Variants in EDIL3 observed in about 807,000 individuals in gnomAD.
The protein encoded by EDIL3 is EGF like and discoidin domains 3, also known as EGF-like repeat and discoidin I-like domain-containing protein 3.
Under a neutral mutation model 67.4 loss-of-function variants are expected in EDIL3, and 37 were observed. The observed-to-expected ratio is 0.55, with a 90% CI of 0.42 to 0.72. The LOEUF (loss-of-function observed/expected upper bound fraction) is 0.72, where lower values mean the gene tolerates loss of function less well. Ranked by LOEUF, EDIL3 falls within the 30% of genes least tolerant of loss-of-function variation. The probability of loss-of-function intolerance (pLI) is 0.00; values close to 1 mark genes in which losing one functional copy is unlikely to be tolerated. For synonymous variants in EDIL3, 195 were observed against 196.3 expected (o/e 0.99, Z 0.05); for missense variants, 527 against 586.3 (o/e 0.90, Z 1.04).
At chr5:84,114,228 A>AT (rs759142065) in intron 5 of EDIL3, among the ~76,000 whole-genome samples, 48 of 141,536 alleles carry the variant, frequency 3.4e-4, no homozygotes, top group Non-Finnish European at 6.5e-4. Flanking sequence ...CAAGGCTATC[A>AT]TTTTTCTGGT....
intron 5 of EDIL3, among the ~76,000 whole-genome samples, chr5:84,132,469 AT>A (rs1748000554): frequency 4.4e-5 from 1 of 22,600 alleles, no homozygotes; most frequent in African/African-American, 1.7e-4. Context: ...TATTTTATAT[AT>A]AATATATATT....
At chr5:84,171,020 C>T (rs558900261) in intron 4 of EDIL3, among the ~76,000 whole-genome samples, 1 of 152,182 alleles carries the variant, frequency 6.6e-6, no homozygotes, top group South Asian at 2.1e-4. Flanking sequence ...GTCTCGAACT[C>T]CTGGCCTCAG....
At chr5:84,097,876 T>C (rs1338961554) in intron 6 of EDIL3, among the ~76,000 whole-genome samples, 1 of 152,080 alleles carries the variant, frequency 6.6e-6, no homozygotes, top group Non-Finnish European at 1.5e-5. Context: ...ATAGTTATAC[T>C]GGCTGACCCT....
At chr5:84,210,929 T>A (rs1349841868) in intron 3 of EDIL3, among the ~76,000 whole-genome samples, 4 of 152,230 alleles carry the variant, frequency 2.6e-5, no homozygotes, top group African/African-American at 9.6e-5. Context: ...AGAGCCAAAC[T>A]AATTCATTGC....
chr5:84,294,533 TGTA>T (rs1214507838), intron 1 of EDIL3, among the ~76,000 whole-genome samples: 10 of 152,150 alleles, frequency 6.6e-5, no homozygotes, highest in Admixed American at 5.2e-4. Context: ...TTTTGGCAGA[TGTA>T]GTCATATATA....
chr5:84,327,915 T>C (rs768095394), intron 1 of EDIL3, among the ~76,000 whole-genome samples: 7 of 151,998 alleles, frequency 4.6e-5, no homozygotes, highest in Non-Finnish European at 1.0e-4. Context: ...TCCTAATTCA[T>C]CTCAGTTTTA....
intron 1 of EDIL3, among the ~76,000 whole-genome samples, chr5:84,291,755 T>C (rs1385338165): frequency 5.4e-5 from 8 of 147,530 alleles, no homozygotes; most frequent in African/African-American, 1.7e-4. Flanking sequence ...GATATATCTA[T>C]ATATCTATAT....
At chr5:84,296,751 G>A (rs1344348780) in intron 1 of EDIL3, among the ~76,000 whole-genome samples, 2 of 152,222 alleles carry the variant, frequency 1.3e-5, no homozygotes, top group East Asian at 3.9e-4. Context: ...GTCCTGAATG[G>A]TATTGCTTAG....
intron 2 of EDIL3, among the ~76,000 whole-genome samples, chr5:84,250,062 G>A: frequency 6.6e-6 from 1 of 152,236 alleles, no homozygotes; most frequent in East Asian, 1.9e-4. Context: ...GCAATTTGCG[G>A]CTTAGCCACA....
chr5:84,321,363 A>G (rs745919201), intron 1 of EDIL3, among the ~76,000 whole-genome samples: 8 of 152,138 alleles, frequency 5.3e-5, no homozygotes, highest in Non-Finnish European at 1.0e-4. Context: ...TCCATCTTCA[A>G]TTGTTGCCAT....
intron 3 of EDIL3, among the ~76,000 whole-genome samples, chr5:84,180,815 A>C (rs995967489): frequency 8.5e-5 from 13 of 152,194 alleles, no homozygotes; most frequent in African/African-American, 3.1e-4. Context: ...ACAGATGAAA[A>C]GAGTTCATAC....
At chr5:84,114,085 T>C (rs1202028888) in intron 5 of EDIL3, among the ~76,000 whole-genome samples, 1 of 151,350 alleles carries the variant, frequency 6.6e-6, no homozygotes, top group Non-Finnish European at 1.5e-5. Flanking sequence ...CTTTAATTGG[T>C]GAGGGAGGGA....
intron 1 of EDIL3, among the ~76,000 whole-genome samples, chr5:84,347,351 T>C (rs1358049319): frequency 6.6e-6 from 1 of 152,216 alleles, no homozygotes. Context: ...AAACTGAATA[T>C]GTATAAGTGG....
At chr5:83,985,889 A>T (rs1745050696) in intron 9 of EDIL3, among the ~76,000 whole-genome samples, 1 of 152,018 alleles carries the variant, frequency 6.6e-6, no homozygotes, top group Non-Finnish European at 1.5e-5. Flanking sequence ...TTGTTATTTC[A>T]TATATCAAGT....
At chr5:84,046,281 G>A (rs1416968703) in intron 9 of EDIL3, among the ~76,000 whole-genome samples, 2 of 152,266 alleles carry the variant, frequency 1.3e-5, no homozygotes, top group East Asian at 3.9e-4. Context: ...AGCCTGGCTG[G>A]ACCCACCAGG....
intron 5 of EDIL3, among the ~76,000 whole-genome samples, chr5:84,120,243 T>G (rs1414261825): frequency 6.6e-6 from 1 of 151,984 alleles, no homozygotes; most frequent in African/African-American, 2.4e-5. Flanking sequence ...GTTCTATATA[T>G]AGGAGTGTGG....
intron 9 of EDIL3, among the ~76,000 whole-genome samples, chr5:84,019,603 CA>C (rs2112190058): frequency 6.6e-6 from 1 of 151,710 alleles, no homozygotes; most frequent in African/African-American, 2.4e-5. Flanking sequence ...ACAAAGAAAA[CA>C]AAAAGCCCCA....
chr5:84,333,379 G>C (rs1746915191), intron 1 of EDIL3, among the ~76,000 whole-genome samples: 1 of 152,066 alleles, frequency 6.6e-6, no homozygotes. Context: ...ACATTTCACT[G>C]AAAAATATTC....
intron 9 of EDIL3, among the ~76,000 whole-genome samples, chr5:83,967,437 T>TCC (rs1356277465): frequency 6.6e-6 from 1 of 152,094 alleles, no homozygotes; most frequent in Non-Finnish European, 1.5e-5. Context: ...GAAAATAGAT[T>TCC]CCAAATCTTA....
Sources: gnomAD v4.1 joint callset for allele counts (sites outside exome capture counted in the v4.1 genomes callset) on GRCh38, gnomAD v4.1.1 for gene constraint, MANE v1.5 for transcripts, NCBI Gene and HGNC (gene_info 2026-07-23, HGNC 2026-07-21) for gene names.